The following GLIS3 variants were observed in gnomAD, a reference collection of about 807,000 sequenced individuals.
GLIS3 encodes GLIS family zinc finger 3.
Under a neutral mutation model 78.6 loss-of-function variants are expected in GLIS3, and 53 were observed. The observed-to-expected ratio is 0.67, with a 90% confidence interval of 0.54 to 0.85. The LOEUF (loss-of-function observed/expected upper bound fraction) is 0.85. Ranked by LOEUF, GLIS3 falls within the 40% of genes least tolerant of loss-of-function variation. GLIS3 has a pLI of 0.00. For missense variants in GLIS3, 1,703 were observed against 1,231.1 expected, an observed-to-expected ratio of 1.38 and a Z score of -5.74; for synonymous variants, 684 against 509.9, an observed-to-expected ratio of 1.34 and a Z score of -4.60.
chr9:4,221,773 G>C (rs879773855), intron 2 of GLIS3, among the ~76,000 whole-genome samples: 2 of 152,200 alleles, frequency 1.3e-5, no homozygotes, highest in Non-Finnish European at 2.9e-5. Context: ...TGCCTCCAAT[G>C]AAAGAAAGAG....
chr9:4,343,216 C>G (rs1201927239), intron 2 of GLIS3, among the ~76,000 whole-genome samples: 5 of 152,064 alleles, frequency 3.3e-5, no homozygotes, highest in Non-Finnish European at 7.4e-5. Context: ...GTGGCACACC[C>G]CTGTGGTCCC....
intron 2 of GLIS3, among the ~76,000 whole-genome samples, chr9:4,129,646 C>A (rs539292271): frequency 1.3e-5 from 2 of 152,304 alleles, no homozygotes; most frequent in East Asian, 3.9e-4. Context: ...CCAGAAGCTT[C>A]TATGCTTCCT....
At chr9:4,146,495 G>C (rs1301128278) in intron 2 of GLIS3, among the ~76,000 whole-genome samples, 1 of 152,120 alleles carries the variant, frequency 6.6e-6, no homozygotes, top group African/African-American at 2.4e-5. Flanking sequence ...TCAATTTAGG[G>C]TTAATGACTA....
chr9:4,190,871 C>T (rs1001155991), intron 2 of GLIS3, among the ~76,000 whole-genome samples: 3 of 152,108 alleles, frequency 2.0e-5, no homozygotes, highest in Admixed American at 6.5e-5. Flanking sequence ...ACAGTGGGGG[C>T]CAATATGCAA....
At chr9:4,206,887 C>T (rs894334227) in intron 2 of GLIS3, among the ~76,000 whole-genome samples, 2 of 151,290 alleles carry the variant, frequency 1.3e-5, no homozygotes, top group African/African-American at 2.4e-5. Context: ...TGGCATATCG[C>T]GCTGGGAGGA....
At chr9:3,849,704 T>A (rs530259271) in intron 9 of GLIS3, among the ~76,000 whole-genome samples, 1 of 152,126 alleles carries the variant, frequency 6.6e-6, no homozygotes, top group South Asian at 2.1e-4. Flanking sequence ...GGTCAGAAGT[T>A]CAAGACCAGT....
chr9:3,907,382 A>G (rs1823781764), intron 6 of GLIS3, among the ~76,000 whole-genome samples: 1 of 152,198 alleles, frequency 6.6e-6, no homozygotes, highest in Non-Finnish European at 1.5e-5. Context: ...TAGTTAGTGA[A>G]TATGTCTAAA....
chr9:4,172,384 TA>T (rs1336363068), intron 2 of GLIS3, among the ~76,000 whole-genome samples: 1 of 152,110 alleles, frequency 6.6e-6, no homozygotes, highest in Non-Finnish European at 1.5e-5. Context: ...CCATACTGAG[TA>T]AGACACATGC....
At chr9:4,446,553 A>G in the GLIS3 span, among the ~76,000 whole-genome samples, 1 of 130,434 alleles carries the variant, frequency 7.7e-6, no homozygotes, top group Non-Finnish European at 1.5e-5. Context: ...TCTCTCACCC[A>G]GGCTTGAGTG....
At chr9:4,147,187 G>A (rs571900709) in intron 2 of GLIS3, 1 of 152,236 alleles carries the variant, frequency 6.6e-6, no homozygotes, top group African/African-American at 2.4e-5. Flanking sequence ...ATTTCTTACA[G>A]CAAATACAAA....
the GLIS3 span, among the ~76,000 whole-genome samples, chr9:4,392,459 C>A: frequency 1.3e-5 from 2 of 152,132 alleles, no homozygotes; most frequent in African/African-American, 2.4e-5. Context: ...TAGGGATGCA[C>A]TAGTCTAGGT....
At chr9:4,157,356 C>T (rs995813225) in intron 2 of GLIS3, among the ~76,000 whole-genome samples, 1 of 152,154 alleles carries the variant, frequency 6.6e-6, no homozygotes. Context: ...TCTGAAAATT[C>T]TCCGAGCTCT....
chr9:4,142,000 A>T (rs145056331), intron 2 of GLIS3, among the ~76,000 whole-genome samples: 1 of 152,312 alleles, frequency 6.6e-6, no homozygotes, highest in African/African-American at 2.4e-5. Context: ...TCATCTCTGC[A>T]CCTTGTAGAT....
the GLIS3 span, among the ~76,000 whole-genome samples, chr9:4,399,506 C>A: frequency 9.2e-5 from 14 of 152,194 alleles, no homozygotes; most frequent in Non-Finnish European, 1.9e-4. Context: ...GGCCAGGAGG[C>A]AGAGGCAAGA....
At chr9:4,426,694 T>C in the GLIS3 span, among the ~76,000 whole-genome samples, 3,412 of 152,332 alleles carry the variant, frequency 0.022, 121 homozygotes, top group African/African-American at 0.078. Flanking sequence ...GGTCTGAAAC[T>C]AGAATGATTG....
At chr9:4,046,460 G>A (rs1825259073) in intron 4 of GLIS3, among the ~76,000 whole-genome samples, 1 of 152,114 alleles carries the variant, frequency 6.6e-6, no homozygotes. Flanking sequence ...CTATAAGGAG[G>A]GGCTGAGAGA....
chr9:3,997,237 T>C (rs1332346609), intron 4 of GLIS3, among the ~76,000 whole-genome samples: 1 of 152,052 alleles, frequency 6.6e-6, no homozygotes, highest in Non-Finnish European at 1.5e-5. Flanking sequence ...TCCCAGCTAC[T>C]CGGGAGGCTG....
rs909598392 is a variant in GLIS3 at position 4,110,896 on chromosome 9, G to A, written c.1710+6872C>T. ...GAGAATCAGACGACCGCTTCTTTTT[G>A]GAAAAATAAATGTGTTTGGTCTTTC... On this transcript the variant is annotated intron_variant, in intron 4 of 10. Transcript: ENST00000381971. Among the ~76,000 whole-genome samples, 5 of 152,226 alleles carry A rather than the reference G, an allele frequency of 3.3e-5. No individual in the cohort carries two copies. The South Asian group carries it at 1.0e-3, about 32-fold the overall frequency.
intron 2 of GLIS3, among the ~76,000 whole-genome samples, chr9:4,162,045 G>A (rs1053250597): frequency 6.6e-6 from 1 of 152,038 alleles, no homozygotes; most frequent in African/African-American, 2.4e-5. Flanking sequence ...GTAGCCTCTA[G>A]GAGAGGATCC....
Sources: gnomAD v4.1 joint callset for allele counts (sites outside exome capture counted in the v4.1 genomes callset) on GRCh38, gnomAD v4.1.1 for gene constraint, MANE v1.5 for transcripts, NCBI Gene and HGNC (gene_info 2026-07-23, HGNC 2026-07-21) for gene names.